The following ABCB11 variants were observed in gnomAD, a reference collection of about 807,000 sequenced individuals.
ABCB11 encodes the protein ATP binding cassette subfamily B member 11.
In ABCB11, 95 loss-of-function variants were observed where a neutral mutation model predicts 148.0. The observed-to-expected ratio is 0.64, with a 90% confidence interval of 0.54 to 0.76. The LOEUF (loss-of-function observed/expected upper bound fraction) is 0.76. ABCB11 is among the 30% of genes least tolerant of loss of function. The pLI, the probability that ABCB11 is intolerant of heterozygous loss-of-function variation, is 0.00. For missense variants in ABCB11, 1,523 were observed against 1,617.8 expected (o/e 0.94, Z 1.01); for synonymous variants, 591 against 555.4 (o/e 1.06, Z -0.90).
intron 12 of ABCB11, among the ~76,000 whole-genome samples, chr2:168,974,998 T>C (rs1423124277): frequency 6.8e-6 from 1 of 146,602 alleles, no homozygotes; most frequent in Non-Finnish European, 1.5e-5. Flanking sequence ...ACATTTGTTA[T>C]ATATATTTAT....
chr2:168,925,492 T>C (rs890543009), intron 26 of ABCB11, among the ~76,000 whole-genome samples: 2 of 152,224 alleles, frequency 1.3e-5, no homozygotes, highest in Non-Finnish European at 2.9e-5. Flanking sequence ...AGCTAGGGTA[T>C]CATTTAATAT....
chr2:168,936,316 A>AG lies in ABCB11; in HGVS notation c.2727dup (p.Phe910LeufsTer21). 1 of 1,614,002 alleles carries AG rather than the reference A, an allele frequency of 6.2e-7. No individual in the cohort carries two copies. The highest frequency in any genetic ancestry group is 8.5e-7 in the Non-Finnish European group (1 of 1,179,880). On this transcript the variant is annotated frameshift_variant, in exon 22 of 28. Coordinates refer to ENST00000650372, the MANE Select transcript of ABCB11 (RefSeq NM_003742.4). LOFTEE classifies it high-confidence loss of function. The stretch of plus-strand genomic sequence containing the variant: ...TGTGTGGCTCCTGATAAAGCCAAGA[A>AG]GGGGAAGAAGCACAAGATGACCAGG...
At chr2:168,941,437 G>A (rs1692055990) in intron 21 of ABCB11, among the ~76,000 whole-genome samples, 2 of 152,044 alleles carry the variant, frequency 1.3e-5, no homozygotes, top group African/African-American at 4.8e-5. Context: ...TTCAGAGGGA[G>A]TAACTGCAGA....
chr2:168,965,161 G>A (rs1693244797), intron 17 of ABCB11, among the ~76,000 whole-genome samples: 1 of 151,810 alleles, frequency 6.6e-6, no homozygotes, highest in Non-Finnish European at 1.5e-5. Context: ...ATGGGGATTT[G>A]TAGACTATAG....
At chr2:168,954,063 C>A (rs1327273079) in intron 19 of ABCB11, among the ~76,000 whole-genome samples, 1 of 151,726 alleles carries the variant, frequency 6.6e-6, no homozygotes, top group African/African-American at 2.4e-5. Context: ...GTCATGGGTG[C>A]ACATCCTCAA....
At position 168,923,024 on chromosome 2, in the gene ABCB11, C is replaced by G. The variant is rs577137795; in HGVS notation, c.*598G>C. On this transcript the variant is annotated 3_prime_UTR_variant, in exon 28 of 28. Transcript: ENST00000650372. The stretch of plus-strand genomic sequence containing the variant: ...AAGCTCATGCTAATACTTTCCCTTT[C>G]TGCCTCCCTCAGCCTGAGAGCATCC... 145 of 154,706 alleles carry G rather than the reference C, an allele frequency of 9.4e-4. 1 individual carries two copies. The highest frequency in any genetic ancestry group is 3.1e-3 in the African/African-American group (131 of 41,598). 9.6% of individuals were successfully genotyped at this position (154,706 alleles called of 1,614,324 possible). A position where few individuals can be genotyped will look rare whatever the true frequency, so the allele number is the denominator to read the frequency against.
intron 5 of ABCB11, among the ~76,000 whole-genome samples, chr2:168,999,101 G>T (rs1293548669): frequency 6.6e-6 from 1 of 151,910 alleles, no homozygotes; most frequent in Non-Finnish European, 1.5e-5. Flanking sequence ...TTTTTTAACA[G>T]CAAAAACAGA....
At position 169,013,397 on chromosome 2, in the gene ABCB11, A is replaced by G. The variant is rs762474269; in HGVS notation, c.264T>C (p.Asp88=). The G allele has an allele frequency of 3.7e-6, 6 of 1,613,884 alleles. No individual in the cohort carries two copies. The highest frequency in any genetic ancestry group is 1.3e-5 in the African/African-American group (1 of 75,050). ...GVLLIFGTMT[D]VFIDYDVELQ... is the part of the protein sequence containing the mutation. Reference sequence around the variant, plus strand: ...ACTCAACGTCGTAGTCAATAAAAACATCTGTCATTGTGCCAAAAATGAGTA... The same window carrying G: ...ACTCAACGTCGTAGTCAATAAAAACGTCTGTCATTGTGCCAAAAATGAGTA... Residue 88 remains aspartate (D), a synonymous_variant, in exon 5 of 28, where the codon GAT becomes GAC. Coordinates refer to ENST00000650372, the MANE Select transcript of ABCB11 (RefSeq NM_003742.4).
At position 168,935,208 on chromosome 2, in the gene ABCB11, C is replaced by A; in HGVS notation, c.3032G>T (p.Gly1011Val). 2 of 1,613,980 alleles carry A rather than the reference C, an allele frequency of 1.2e-6. No homozygotes were observed. The highest frequency in any genetic ancestry group is 1.7e-6 in the Non-Finnish European group (2 of 1,179,878). The change falls in exon 23 of 28, where the codon GGG (glycine) becomes GTG (valine). Residue 1011 changes from glycine (G) to valine (V), a missense_variant. By Grantham distance (109) the Gly-to-Val change is moderately radical (BLOSUM62 -3). Coordinates refer to ENST00000650372, the MANE Select transcript of ABCB11 (RefSeq NM_003742.4). ...RYGGYLISNE[G>V]LHFSYVFRVI... ...CCTGAACACATAGCTGAAATGGAGC[C>A]CCTCATTGGAGATTAAGTAACCTCC...
rs11568357 is a variant in ABCB11 at position 168,993,878 on chromosome 2, T to C, written c.616A>G (p.Ile206Val). The change falls in exon 8 of 28, where the codon ATT becomes GTT. Residue 206 changes from isoleucine (I) to valine (V), a missense_variant. Physicochemically the swap from Ile to Val is conservative, Grantham distance 29. Coordinates refer to ENST00000650372, the MANE Select transcript of ABCB11 (RefSeq NM_003742.4). ...GCTATGGCATCATTGATTTTATTAA[T>C]ATCACTAGAAACCAGAAAGATTTTG... ...GELNTRFSDD[I>V]NKINDAIADQ... 776 of 1,605,438 alleles carry C rather than the reference T, an allele frequency of 4.8e-4. 2 individuals are homozygous for C. The African/African-American group carries it at 9.4e-3, about 19-fold the overall frequency.
At chr2:168,970,424 A>AT in intron 14 of ABCB11, 1 of 1,364,752 alleles carries the variant, frequency 7.3e-7, no homozygotes. Context: ...TTATGCTTTT[A>AT]TTCCAGGGTT....
chr2:168,978,160 T>A (rs993799377), intron 11 of ABCB11, among the ~76,000 whole-genome samples: 21 of 140,876 alleles, frequency 1.5e-4, no homozygotes, highest in Non-Finnish European at 1.1e-4. Flanking sequence ...TTTTTTTTTT[T>A]TCAGAGACAG....
intron 1 of ABCB11, among the ~76,000 whole-genome samples, chr2:169,025,802 C>T (rs1038012205): frequency 1.3e-5 from 2 of 152,182 alleles, no homozygotes; most frequent in Admixed American, 6.5e-5. Context: ...ACCAAGAATA[C>T]ATCTGTAGCT....
At chr2:168,927,389 T>C (rs375045118) in intron 25 of ABCB11, 27 bp from the exon 26 acceptor site, 2 of 1,581,194 alleles carry the variant, frequency 1.3e-6, no homozygotes, top group African/African-American at 2.7e-5. Context: ...TGACAGGTCA[T>C]TAGGTTTTTA....
downstream of ABCB11, among the ~76,000 whole-genome samples, chr2:168,916,287 C>T (rs987782768): frequency 6.6e-6 from 1 of 152,188 alleles, no homozygotes; most frequent in African/African-American, 2.4e-5. Flanking sequence ...CTCCTGTTCT[C>T]ACATTTATTT....
intron 21 of ABCB11, 51 bp from the exon 22 acceptor site, chr2:168,936,484 CAA>C: frequency 6.4e-7 from 1 of 1,559,836 alleles, no homozygotes; most frequent in Admixed American, 1.7e-5. Context: ...TCGCTTTTAC[CAA>C]TTACCATTAC....
chr2:168,986,081 C>T (rs191813587), intron 10 of ABCB11, 29 bp downstream of exon 10: 3 of 1,488,176 alleles, frequency 2.0e-6, no homozygotes, highest in East Asian at 4.7e-5. Context: ...GAAGGAAATG[C>T]TATGTCTCGG....
intron 25 of ABCB11, 77 bp from the exon 26 acceptor site, chr2:168,927,439 G>T: frequency 1.7e-6 from 2 of 1,209,788 alleles, no homozygotes; most frequent in Admixed American, 2.0e-5. Flanking sequence ...CTAGCATTAG[G>T]TGTTATGCAG....
intron 18 of ABCB11, among the ~76,000 whole-genome samples, chr2:168,963,233 T>A (rs73018728): frequency 0.016 from 2,407 of 151,930 alleles, 57 homozygotes; most frequent in African/African-American, 0.052. Flanking sequence ...ATGTTTTCAT[T>A]CTAATTTTTA....
Sources: gnomAD v4.1 joint callset for allele counts (sites outside exome capture counted in the v4.1 genomes callset) on GRCh38, gnomAD v4.1.1 for gene constraint, MANE v1.5 for transcripts, NCBI Gene and HGNC (gene_info 2026-07-23, HGNC 2026-07-21) for gene names.